The following FAF1 variants were observed in gnomAD, a reference collection of about 807,000 sequenced individuals.
FAF1 encodes Fas associated factor 1, also known as FAS-associated factor 1.
FAF1 carries 25 observed loss-of-function variants against 92.5 expected under a neutral mutation model. The observed-to-expected ratio is 0.27, with a 90% CI of 0.20 to 0.38. The LOEUF is 0.38. FAF1 is among the 10% of genes least tolerant of loss of function. The probability of loss-of-function intolerance (pLI) is 1.00; values close to 1 mark genes in which losing one functional copy is unlikely to be tolerated. For missense variants in FAF1, 636 were observed against 793.3 expected (o/e 0.80, Z 2.38); for synonymous variants, 234 against 273.2 (o/e 0.86, Z 1.42).
At position 50,539,708 on chromosome 1, in the gene FAF1, C is replaced by G; in HGVS notation, c.1289G>C (p.Arg430Thr). ...TTGTGCCACAACACTGCCAAAGTGT[C>G]TATTGCACATAGTGAGAAATCTAAA... The part of the protein sequence containing the change: ...NRARFLTMCN[R>T]HFGSVVAQTI... The change falls in exon 14 of 19, where the codon AGA becomes ACA. Residue 430 changes from arginine (R) to threonine (T), a missense_variant. This residue lies in a region of FAF1 where 319 missense variants were observed against 451.0 expected (regional missense o/e 0.71). Coordinates refer to ENST00000396153, the MANE Select transcript of FAF1 (RefSeq NM_007051.3). 1 of 1,612,004 alleles carries G rather than the reference C, an allele frequency of 6.2e-7. No individual in the cohort carries two copies. The highest frequency in any genetic ancestry group is 8.5e-7 in the Non-Finnish European group (1 of 1,178,554).
chr1:50,589,630 C>A (rs1225616885), intron 9 of FAF1, among the ~76,000 whole-genome samples: 1 of 152,152 alleles, frequency 6.6e-6, no homozygotes, highest in East Asian at 1.9e-4. Flanking sequence ...TGTGGGTTGC[C>A]TTTTTAACTC....
chr1:50,753,646 G>C (rs150341520), intron 4 of FAF1, among the ~76,000 whole-genome samples: 2 of 151,868 alleles, frequency 1.3e-5, no homozygotes, highest in East Asian at 1.9e-4. Flanking sequence ...AACTCTAGTT[G>C]TTCAACTGGG....
At chr1:50,866,569 G>A (rs1007738862) in intron 1 of FAF1, among the ~76,000 whole-genome samples, 8 of 151,764 alleles carry the variant, frequency 5.3e-5, no homozygotes, top group Non-Finnish European at 7.4e-5. Flanking sequence ...GAATCAAACC[G>A]AGAACTCAAC....
At chr1:50,554,386 T>TAGAGAGAGAGAGAG (rs760933574) in intron 13 of FAF1, among the ~76,000 whole-genome samples, 2 of 99,498 alleles carry the variant, frequency 2.0e-5, no homozygotes, top group African/African-American at 4.5e-5. Flanking sequence ...TATATATATA[T>TAGAGAGAGAGAGAG]ATATAGAGAG....
intron 8 of FAF1, among the ~76,000 whole-genome samples, chr1:50,629,902 T>C (rs1653683409): frequency 6.6e-6 from 1 of 151,750 alleles, no homozygotes; most frequent in Non-Finnish European, 1.5e-5. Flanking sequence ...CTACTAAAAA[T>C]ACAAAATTAG....
At chr1:50,926,894 T>C (rs1486772739) in intron 1 of FAF1, among the ~76,000 whole-genome samples, 1 of 152,216 alleles carries the variant, frequency 6.6e-6, no homozygotes, top group Non-Finnish European at 1.5e-5. Context: ...ATAAAGAACA[T>C]GTAGTATGTT....
intron 8 of FAF1, among the ~76,000 whole-genome samples, chr1:50,610,965 A>G (rs1652658741): frequency 6.6e-6 from 1 of 152,228 alleles, no homozygotes. Context: ...GCTACAAAAT[A>G]GGTTCCCAGG....
chr1:50,601,739 CAT>C (rs753438061), intron 8 of FAF1, among the ~76,000 whole-genome samples: 45 of 151,004 alleles, frequency 3.0e-4, no homozygotes, highest in Non-Finnish European at 5.6e-4. Flanking sequence ...CATATACACA[CAT>C]ATATTCATAT....
intron 8 of FAF1, among the ~76,000 whole-genome samples, chr1:50,632,800 A>C (rs1653850021): frequency 6.6e-6 from 1 of 152,128 alleles, no homozygotes; most frequent in South Asian, 2.1e-4. Context: ...TCCAGAATTA[A>C]GATTAATAAC....
At chr1:50,444,053 A>AT (rs905097033) in intron 18 of FAF1, among the ~76,000 whole-genome samples, 1 of 151,878 alleles carries the variant, frequency 6.6e-6, no homozygotes, top group African/African-American at 2.4e-5. Context: ...AAATCAAGCA[A>AT]TTTTTTTTCT....
intron 7 of FAF1, among the ~76,000 whole-genome samples, chr1:50,702,503 T>C (rs901409756): frequency 6.6e-6 from 1 of 152,100 alleles, no homozygotes; most frequent in African/African-American, 2.4e-5. Flanking sequence ...TGTTTGGTCA[T>C]AATGGAAAAC....
At chr1:50,655,306 G>C (rs1034747095) in intron 8 of FAF1, 136 bp downstream of exon 8, 4 of 692,694 alleles carry the variant, frequency 5.8e-6, no homozygotes, top group Non-Finnish European at 1.0e-5. Flanking sequence ...ACAGGCATGA[G>C]CCACCGTGCC....
At chr1:50,454,201 T>C (rs188000779) in intron 18 of FAF1, among the ~76,000 whole-genome samples, 38 of 152,352 alleles carry the variant, frequency 2.5e-4, no homozygotes, top group African/African-American at 7.9e-4. Flanking sequence ...ACTATGCTGA[T>C]CTCTAAATAT....
At chr1:50,919,071 T>A (rs1334242924) in intron 1 of FAF1, among the ~76,000 whole-genome samples, 1 of 152,236 alleles carries the variant, frequency 6.6e-6, no homozygotes, top group Non-Finnish European at 1.5e-5. Flanking sequence ...TTATGAAGTG[T>A]CAGGAATGTT....
intron 8 of FAF1, among the ~76,000 whole-genome samples, chr1:50,629,751 G>A (rs940605741): frequency 3.9e-5 from 6 of 151,960 alleles, no homozygotes; most frequent in Non-Finnish European, 7.4e-5. Context: ...ATTGATTAAC[G>A]TGAAGATTAA....
At chr1:50,518,249 A>G (rs775646295) in intron 15 of FAF1, among the ~76,000 whole-genome samples, 1 of 152,228 alleles carries the variant, frequency 6.6e-6, no homozygotes, top group East Asian at 1.9e-4. Context: ...TTTACAAAGC[A>G]TAATGCCTTT....
At chr1:50,555,848 G>C (rs1649548583) in intron 13 of FAF1, among the ~76,000 whole-genome samples, 1 of 151,686 alleles carries the variant, frequency 6.6e-6, no homozygotes, top group African/African-American at 2.4e-5. Flanking sequence ...GCAAAGATAG[G>C]GAATCAACTT....
intron 1 of FAF1, among the ~76,000 whole-genome samples, chr1:50,922,474 AAAAAAAAAG>A (rs1190362209): frequency 6.8e-6 from 1 of 147,200 alleles, no homozygotes; most frequent in African/African-American, 2.5e-5. Context: ...AAAAAAAAAA[AAAAAAAAAG>A]AAAAGAGAGA....
At chr1:50,686,748 G>A (rs564125552) in intron 7 of FAF1, among the ~76,000 whole-genome samples, 2 of 152,224 alleles carry the variant, frequency 1.3e-5, no homozygotes, top group East Asian at 1.9e-4. Flanking sequence ...AACTTCAATA[G>A]AGAGGAAAAA....
Sources: allele counts gnomAD v4.1 joint callset (sites outside exome capture counted in the v4.1 genomes callset), GRCh38; gene constraint gnomAD v4.1.1; regional missense constraint gnomAD v4.1.1; transcripts MANE v1.5; gene names NCBI Gene and HGNC (gene_info 2026-07-23, HGNC 2026-07-21).